The following AGBL1 variants were observed in gnomAD, a reference collection of about 807,000 sequenced individuals.
AGBL1 encodes the protein cytosolic carboxypeptidase 4.
A neutral mutation model predicts 118.9 loss-of-function variants in AGBL1; 130 were observed. That is an observed-to-expected ratio of 1.09 (90% CI 0.95 to 1.26). The LOEUF (loss-of-function observed/expected upper bound fraction) is 1.26. AGBL1 is among the 50% of genes most tolerant of loss of function. AGBL1 has a pLI of 0.00. For synonymous variants in AGBL1, 555 were observed against 478.9 expected, an observed-to-expected ratio of 1.16 and a Z score of -2.08; for missense variants, 1,584 against 1,298.1, an observed-to-expected ratio of 1.22 and a Z score of -3.38.
At chr15:86,625,045 C>T (rs1333020010) in intron 21 of AGBL1, among the ~76,000 whole-genome samples, 9 of 152,174 alleles carry the variant, frequency 5.9e-5, no homozygotes, top group East Asian at 1.9e-4. Flanking sequence ...CCCACACCCA[C>T]GCAGCACCGG....
chr15:86,535,634 G>A (rs1316696787), intron 19 of AGBL1, among the ~76,000 whole-genome samples: 3 of 152,280 alleles, frequency 2.0e-5, no homozygotes, highest in Non-Finnish European at 2.9e-5. Flanking sequence ...TCTGCCAGAG[G>A]ACAGGGTGGG....
chr15:86,294,523 G>C (rs557652226), intron 16 of AGBL1, among the ~76,000 whole-genome samples: 16 of 149,796 alleles, frequency 1.1e-4, no homozygotes, highest in African/African-American at 3.0e-4. Context: ...GTTGCTATTA[G>C]TTAGTTGTTC....
chr15:86,868,494 A>T (rs1369323755), intron 22 of AGBL1, among the ~76,000 whole-genome samples: 1 of 152,244 alleles, frequency 6.6e-6, no homozygotes, highest in Non-Finnish European at 1.5e-5. Context: ...CCACTTCCCC[A>T]CAAGGGTGTT....
At chr15:86,899,736 T>C (rs2080184775) in intron 22 of AGBL1, among the ~76,000 whole-genome samples, 1 of 152,198 alleles carries the variant, frequency 6.6e-6, no homozygotes, top group South Asian at 2.1e-4. Context: ...CCTTCAGTCC[T>C]AGCCAGGCAC....
At chr15:86,540,996 T>A (rs952435783) in intron 19 of AGBL1, among the ~76,000 whole-genome samples, 1 of 152,202 alleles carries the variant, frequency 6.6e-6, no homozygotes, top group Non-Finnish European at 1.5e-5. Flanking sequence ...GAATTTAGTA[T>A]TTAAGGAGTG....
rs145761487 is a variant in AGBL1, at chr15:86,506,814, T to C, written c.2556-15996T>C. ...ATTGAATAAATAAATGTGTACATTTTATTTCCTCAAGATTTATTTGAGATT... is the reference window on the plus strand; with the variant it reads ...ATTGAATAAATAAATGTGTACATTTCATTTCCTCAAGATTTATTTGAGATT... On this transcript the variant is annotated intron_variant, in intron 18 of 22. Coordinates refer to ENST00000614907, the MANE Select transcript of AGBL1 (RefSeq NM_001386094.1). Among the ~76,000 whole-genome samples the C allele has an allele frequency of 4.3e-3, 657 of 152,242 alleles. 7 individuals carry two copies. The highest frequency in any genetic ancestry group is 0.015 in the African/African-American group (625 of 41,554).
At chr15:86,206,971 T>C (rs2078004176) in intron 5 of AGBL1, among the ~76,000 whole-genome samples, 1 of 152,248 alleles carries the variant, frequency 6.6e-6, no homozygotes, top group South Asian at 2.1e-4. Context: ...TTAATCCATC[T>C]TGAATTAATT....
intron 22 of AGBL1, among the ~76,000 whole-genome samples, chr15:86,737,626 G>T (rs536452987): frequency 6.6e-6 from 1 of 152,222 alleles, no homozygotes; most frequent in African/African-American, 2.4e-5. Flanking sequence ...GTATGTTTCA[G>T]GGAGAATGAC....
At chr15:86,933,454 G>A (rs560028396) in intron 23 of AGBL1, among the ~76,000 whole-genome samples, 65 of 152,230 alleles carry the variant, frequency 4.3e-4, no homozygotes, top group Non-Finnish European at 7.2e-4. Context: ...GCCAGAGGTC[G>A]CAAGATTTGT....
At chr15:86,563,640 G>T (rs1014131894) in intron 21 of AGBL1, among the ~76,000 whole-genome samples, 3 of 152,132 alleles carry the variant, frequency 2.0e-5, no homozygotes, top group Admixed American at 6.5e-5. Flanking sequence ...GTGGATGTCT[G>T]TTAGGTCCAT....
At chr15:86,544,307 G>A (rs1218949115) in intron 19 of AGBL1, among the ~76,000 whole-genome samples, 3 of 152,152 alleles carry the variant, frequency 2.0e-5, no homozygotes, top group Non-Finnish European at 4.4e-5. Flanking sequence ...CCCAGCCTAT[G>A]TTTACTCACG....
chr15:86,871,082 G>A (rs1416755957), intron 22 of AGBL1, among the ~76,000 whole-genome samples: 1 of 152,142 alleles, frequency 6.6e-6, no homozygotes, highest in African/African-American at 2.4e-5. Flanking sequence ...CATGAAATTA[G>A]ACAAACTTAT....
At chr15:86,700,638 T>G (rs962458810) in intron 22 of AGBL1, among the ~76,000 whole-genome samples, 11 of 152,054 alleles carry the variant, frequency 7.2e-5, no homozygotes, top group African/African-American at 2.4e-4. Flanking sequence ...AATTTTCAGC[T>G]GGTGAAAATT....
chr15:86,837,130 C>T (rs2141428254), intron 22 of AGBL1, among the ~76,000 whole-genome samples: 1 of 151,736 alleles, frequency 6.6e-6, no homozygotes, highest in Middle Eastern at 3.4e-3. Flanking sequence ...ATTCTTAGCG[C>T]ATTTCACAGT....
At position 86,364,958 on chromosome 15, in the gene AGBL1, CATATATATATAT is replaced by C. The variant is rs72116454; in HGVS notation, c.2375-32388_2375-32377del. Among the ~76,000 whole-genome samples, 5 of 76,158 alleles carry C rather than the reference CATATATATATAT, an allele frequency of 6.6e-5. 1 individual carries two copies. Among genetic ancestry groups the C allele is most frequent in the Non-Finnish European group, 9.4e-5 (3 of 31,860 alleles). 50.0% of individuals were successfully genotyped at this position (76,158 alleles called of 152,430 possible). A position where few individuals can be genotyped will look rare whatever the true frequency, so the allele number is the denominator to read the frequency against. On this transcript the variant is annotated intron_variant, in intron 17 of 22. Coordinates refer to ENST00000614907, the MANE Select transcript of AGBL1 (RefSeq NM_001386094.1). ...GAGCCGCATTGATTTATATGTCACA[CATATATATATAT>C]ATATATATATATATATATACACACA...
chr15:86,218,215 T>C (rs937678477), intron 5 of AGBL1, among the ~76,000 whole-genome samples: 9 of 152,236 alleles, frequency 5.9e-5, no homozygotes, highest in South Asian at 4.1e-4. Flanking sequence ...AATGGACAAC[T>C]TAAGAGCTCT....
At chr15:86,345,771 T>C (rs2080526805) in intron 17 of AGBL1, among the ~76,000 whole-genome samples, 1 of 152,220 alleles carries the variant, frequency 6.6e-6, no homozygotes, top group African/African-American at 2.4e-5. Flanking sequence ...GGATAGATCA[T>C]CCATCTTCAG....
At chr15:86,306,017 T>C (rs1051327800) in intron 17 of AGBL1, among the ~76,000 whole-genome samples, 2 of 152,094 alleles carry the variant, frequency 1.3e-5, no homozygotes, top group Non-Finnish European at 2.9e-5. Context: ...TAATTTTTTT[T>C]ATTTTTAATT....
chr15:86,539,657 A>T (rs1334691858), intron 19 of AGBL1, among the ~76,000 whole-genome samples: 1 of 152,172 alleles, frequency 6.6e-6, no homozygotes, highest in Non-Finnish European at 1.5e-5. Flanking sequence ...AATTATTGTT[A>T]ATACCTCAAA....
Sources: allele counts gnomAD v4.1 joint callset (sites outside exome capture counted in the v4.1 genomes callset), GRCh38; gene constraint gnomAD v4.1.1; transcripts MANE v1.5; gene names NCBI Gene and HGNC (gene_info 2026-07-23, HGNC 2026-07-21).